Variants in SLAMF6 observed in about 807,000 individuals in gnomAD.
SLAMF6 encodes the protein SLAM family member 6.
In SLAMF6, 21 loss-of-function variants were observed where a neutral mutation model predicts 38.3. The observed-to-expected ratio is 0.55, with a 90% confidence interval of 0.39 to 0.79. The LOEUF (loss-of-function observed/expected upper bound fraction) is 0.79, where lower values mean the gene tolerates loss of function less well. Among genes scored for constraint, SLAMF6 ranks in the 30% least tolerant of loss-of-function variants. SLAMF6 has a pLI of 0.00. For missense variants in SLAMF6, 341 were observed against 385.3 expected, an observed-to-expected ratio of 0.89 and a Z score of 0.96; for synonymous variants, 152 against 146.3, an observed-to-expected ratio of 1.04 and a Z score of -0.28.
chr1:160,501,292 T>C (rs1653879039), intron 1 of SLAMF6, among the ~76,000 whole-genome samples: 1 of 152,152 alleles, frequency 6.6e-6, no homozygotes, highest in African/African-American at 2.4e-5. Flanking sequence ...GACAGGTAAA[T>C]GAGTAGTTAG....
At position 160,492,775 on chromosome 1, in the gene SLAMF6, C is replaced by T. The variant is rs74124824; in HGVS notation, c.383-1387G>A. Among the ~76,000 whole-genome samples, 1,359 of 152,282 alleles carry T rather than the reference C, an allele frequency of 8.9e-3. 21 individuals carry two copies. The highest frequency in any genetic ancestry group is 0.031 in the African/African-American group (1,307 of 41,562). Reference sequence around the variant, plus strand: ...GTTGACAACTGCATCCTTCCTATCACTGAGGCCAAAACCTCTGGAGTTATC... The same window carrying T: ...GTTGACAACTGCATCCTTCCTATCATTGAGGCCAAAACCTCTGGAGTTATC... On this transcript the variant is annotated intron_variant, in intron 2 of 7. Transcript: ENST00000368057.
intron 2 of SLAMF6, among the ~76,000 whole-genome samples, chr1:160,492,200 C>G (rs1258203266): frequency 6.6e-6 from 1 of 152,096 alleles, no homozygotes; most frequent in Non-Finnish European, 1.5e-5. Flanking sequence ...ACTGACTTAG[C>G]CTTGGCCTGA....
At chr1:160,511,716 G>T (rs948873498) in intron 1 of SLAMF6, among the ~76,000 whole-genome samples, 1 of 152,128 alleles carries the variant, frequency 6.6e-6, no homozygotes, top group African/African-American at 2.4e-5. Flanking sequence ...GTGGGGAGGG[G>T]CCAAGATGAC....
At chr1:160,504,017 C>CAAA (rs10648306) in intron 1 of SLAMF6, among the ~76,000 whole-genome samples, 1,445 of 86,310 alleles carry the variant, frequency 0.017, 73 homozygotes, top group African/African-American at 0.039. Flanking sequence ...GACTCTATCT[C>CAAA]AAAAAAAAAA....
chr1:160,523,045 C>A, intron 1 of SLAMF6, 99 bp downstream of exon 1: 2 of 1,312,970 alleles, frequency 1.5e-6, no homozygotes, highest in East Asian at 4.8e-5. Flanking sequence ...AATCCCTTGG[C>A]AGAGAGCCAG....
At chr1:160,495,767 C>T (rs961652015) in intron 2 of SLAMF6, among the ~76,000 whole-genome samples, 1 of 152,208 alleles carries the variant, frequency 6.6e-6, no homozygotes, top group Non-Finnish European at 1.5e-5. Flanking sequence ...ACATGTAGTG[C>T]ACAAGGCAAC....
chr1:160,503,455 T>C (rs934151061), intron 1 of SLAMF6, among the ~76,000 whole-genome samples: 3 of 152,042 alleles, frequency 2.0e-5, no homozygotes, highest in African/African-American at 7.2e-5. Context: ...ACCACACTAA[T>C]AACTTTCTCC....
chr1:160,504,724 A>T (rs1040195981), intron 1 of SLAMF6, among the ~76,000 whole-genome samples: 6 of 152,236 alleles, frequency 3.9e-5, no homozygotes, highest in Non-Finnish European at 8.8e-5. Context: ...GGGGCAAAAC[A>T]TTATAGTGGA....
intron 5 of SLAMF6, among the ~76,000 whole-genome samples, chr1:160,489,826 G>T (rs1391033550): frequency 6.6e-6 from 1 of 152,142 alleles, no homozygotes; most frequent in Non-Finnish European, 1.5e-5. Context: ...CCCAGACCCT[G>T]GCTGAACAGT....
chr1:160,509,187 G>A (rs759339024), intron 1 of SLAMF6, among the ~76,000 whole-genome samples: 8 of 152,116 alleles, frequency 5.3e-5, no homozygotes, highest in East Asian at 1.9e-4. Flanking sequence ...TCATGCTACT[G>A]TAAAGACACA....
chr1:160,492,630 T>C (rs893175367), intron 2 of SLAMF6, among the ~76,000 whole-genome samples: 1 of 152,176 alleles, frequency 6.6e-6, no homozygotes, highest in Non-Finnish European at 1.5e-5. Flanking sequence ...TTAATGAATA[T>C]GTAAGGACAT....
At chr1:160,488,944 C>G (rs186835001) in intron 6 of SLAMF6, 144 bp downstream of exon 6, 94 of 704,742 alleles carry the variant, frequency 1.3e-4, no homozygotes, top group Admixed American at 9.2e-4. Flanking sequence ...AGTGGTCTAG[C>G]GCATAACTTT....
rs1468786330 is a variant in SLAMF6, at chr1:160,490,456, G to A, written c.757+119C>T. 4 of 1,413,510 alleles carry A rather than the reference G, an allele frequency of 2.8e-6. 1 individual carries two copies. The highest frequency in any genetic ancestry group is 2.8e-5 in the South Asian group (2 of 72,148). The allele number at this position is 1,413,510 out of a possible 1,614,324, so 87.6% of individuals were successfully genotyped here. A position where few individuals can be genotyped will look rare whatever the true frequency, so the allele number is the denominator to read the frequency against. On this transcript the variant is annotated intron_variant, in intron 4 of 7. Coordinates refer to ENST00000368057, the MANE Select transcript of SLAMF6 (RefSeq NM_001184714.2). Reference sequence around the variant, plus strand: ...TATCTCAGTGGACTAGCTGAGCCAGGGTTTGCAGCCTCCCTCCCTCCTCCT... The same window carrying A: ...TATCTCAGTGGACTAGCTGAGCCAGAGTTTGCAGCCTCCCTCCCTCCTCCT...
At chr1:160,487,430 C>A (rs1404408461) in intron 6 of SLAMF6, among the ~76,000 whole-genome samples, 1 of 152,312 alleles carries the variant, frequency 6.6e-6, no homozygotes, top group East Asian at 1.9e-4. Context: ...AGAAAGGCAG[C>A]CTTGCTGTAT....
At chr1:160,494,252 A>T (rs1653448987) in intron 2 of SLAMF6, among the ~76,000 whole-genome samples, 1 of 152,182 alleles carries the variant, frequency 6.6e-6, no homozygotes, top group Non-Finnish European at 1.5e-5. Context: ...CACTCTAAAA[A>T]GCCCTGAAAG....
chr1:160,507,943 A>T (rs1021995570), intron 1 of SLAMF6, among the ~76,000 whole-genome samples: 2 of 152,124 alleles, frequency 1.3e-5, no homozygotes, highest in African/African-American at 2.4e-5. Context: ...TAGGAATCCA[A>T]CTTAAAAGGG....
chr1:160,499,947 C>T (rs1177929151), intron 1 of SLAMF6, among the ~76,000 whole-genome samples: 2 of 152,170 alleles, frequency 1.3e-5, no homozygotes, highest in Non-Finnish European at 2.9e-5. Flanking sequence ...ATACCACAAG[C>T]AACATTTTGA....
intron 5 of SLAMF6, among the ~76,000 whole-genome samples, chr1:160,489,482 C>T (rs535236312): frequency 6.6e-6 from 1 of 152,274 alleles, no homozygotes; most frequent in South Asian, 2.1e-4. Flanking sequence ...TATGGAAGGG[C>T]TAAAGACACC....
chr1:160,501,642 A>G (rs1343472594), intron 1 of SLAMF6, among the ~76,000 whole-genome samples: 1 of 152,158 alleles, frequency 6.6e-6, no homozygotes, highest in Non-Finnish European at 1.5e-5. Context: ...AGTCTTGAAT[A>G]AAAGCTATGA....
Sources: gnomAD v4.1 joint callset for allele counts (sites outside exome capture counted in the v4.1 genomes callset) on GRCh38, gnomAD v4.1.1 for gene constraint, MANE v1.5 for transcripts, NCBI Gene and HGNC (gene_info 2026-07-23, HGNC 2026-07-21) for gene names.